CHRM5: variants seen among roughly 807,000 people sequenced by gnomAD.
CHRM5 encodes the protein cholinergic receptor muscarinic 5, also known as muscarinic acetylcholine receptor M5.
In CHRM5, 18 loss-of-function variants were observed where a neutral mutation model predicts 39.0. The ratio of observed to expected loss-of-function variants is 0.46; its 90% CI spans 0.32 to 0.68. CHRM5 has a LOEUF of 0.68. Ranked by LOEUF, CHRM5 falls within the 30% of genes least tolerant of loss-of-function variation. CHRM5 has a pLI of 0.04. For synonymous variants in CHRM5, 241 were observed against 246.3 expected, an observed-to-expected ratio of 0.98 and a Z score of 0.20; for missense variants, 515 against 651.1, an observed-to-expected ratio of 0.79 and a Z score of 2.28.
chr15:34,039,084 A>AGCT lies in CHRM5; in HGVS notation c.-407-7453_-407-7451dup, dbSNP rs1352607377. 38 of 1,078,828 alleles carry AGCT rather than the reference A, an allele frequency of 3.5e-5. No homozygotes were observed. The African/African-American group carries it at 5.8e-4, about 16-fold the overall frequency. 66.8% of individuals were successfully genotyped at this position (1,078,828 alleles called of 1,614,324 possible). A position where few individuals can be genotyped will look rare whatever the true frequency, so the allele number is the denominator to read the frequency against. On this transcript the variant is annotated intron_variant, in intron 1 of 2. Transcript: ENST00000383263. ...GGCGGTGCTGAGCGCGCGGGAGCCG[A>AGCT]GCTGCGGCGGAGACGCCCTGGCCCC...
At chr15:33,984,002 A>G (rs1237176602) in intron 1 of CHRM5, among the ~76,000 whole-genome samples, 1 of 152,102 alleles carries the variant, frequency 6.6e-6, no homozygotes, top group Non-Finnish European at 1.5e-5. Context: ...AAAAGTGTCA[A>G]TTTCAGAAAA....
intron 1 of CHRM5, among the ~76,000 whole-genome samples, chr15:34,023,016 A>G (rs1898276693): frequency 6.6e-6 from 1 of 152,108 alleles, no homozygotes; most frequent in Non-Finnish European, 1.5e-5. Flanking sequence ...TGAAACCCCC[A>G]TCTCTACTAA....
rs1161570341 is a variant in CHRM5 at position 34,065,963 on chromosome 15, G to T, written c.*1647G>T. The T allele has an allele frequency of 6.6e-6, 1 of 152,254 alleles. No homozygotes were observed. The highest frequency in any genetic ancestry group is 1.9e-4 in the East Asian group (1 of 5,200). The allele number at this position is 152,254 out of a possible 1,614,324, so 9.4% of individuals were successfully genotyped here. ...GCTGGTTTAGTTGTCCTGGGAATTA[G>T]ATATGTACCTGAGTATGGGAGAGCT... On this transcript the variant is annotated 3_prime_UTR_variant, in exon 3 of 3. Transcript: ENST00000383263.
rs193217904 is a variant in CHRM5 at position 34,049,146 on chromosome 15, C to T, written c.-76+2275C>T. ...AAACTCAAAAAGACAGAGTGCGTCTCTGCCTCCAAATGACTGCACACCTCT... is the reference window on the plus strand; with the variant it reads ...AAACTCAAAAAGACAGAGTGCGTCTTTGCCTCCAAATGACTGCACACCTCT... On this transcript the variant is annotated intron_variant, in intron 2 of 2. Coordinates refer to ENST00000383263, the MANE Select transcript of CHRM5 (RefSeq NM_012125.4). 4.9e-3 allele frequency among the ~76,000 whole-genome samples: 744 copies of T among 152,328 alleles called. 4 individuals carry two copies. Among genetic ancestry groups the T allele is most frequent in the Non-Finnish European group, 9.0e-3 (611 of 68,030 alleles).
At chr15:34,056,844 A>G (rs914972829) in intron 2 of CHRM5, among the ~76,000 whole-genome samples, 1 of 152,210 alleles carries the variant, frequency 6.6e-6, no homozygotes, top group African/African-American at 2.4e-5. Context: ...CAGCCTGAGC[A>G]ACATAGCGAG....
intron 1 of CHRM5, chr15:33,991,021 T>C (rs935411522): frequency 6.6e-6 from 1 of 152,074 alleles, no homozygotes; most frequent in African/African-American, 2.4e-5. Flanking sequence ...TAGAAAAAAA[T>C]GATGTAAAAC....
chr15:33,977,541 T>C (rs1454295298), intron 1 of CHRM5, among the ~76,000 whole-genome samples: 3 of 152,340 alleles, frequency 2.0e-5, no homozygotes, highest in Admixed American at 2.0e-4. Flanking sequence ...GTGGCCTCAC[T>C]GAGCACCATT....
intron 1 of CHRM5, among the ~76,000 whole-genome samples, chr15:34,004,610 G>A (rs1368237878): frequency 6.6e-6 from 1 of 151,806 alleles, no homozygotes. Flanking sequence ...TTAAAGTGTT[G>A]TTAACTTTTA....
chr15:34,001,302 G>A (rs960147347), intron 1 of CHRM5, among the ~76,000 whole-genome samples: 4 of 152,160 alleles, frequency 2.6e-5, no homozygotes, highest in Non-Finnish European at 4.4e-5. Context: ...GATTACAGGC[G>A]TGAGCCACCA....
In CHRM5 at chr15:34,038,224, G is replaced by A. The variant is rs1334034680; in HGVS notation, c.-407-8316G>A. Reference sequence around the variant, plus strand: ...GCTATTACAAAGAACTATGCATCTGGTCCCGCCCCCAAATACTAGAGTCCA... The same window carrying A: ...GCTATTACAAAGAACTATGCATCTGATCCCGCCCCCAAATACTAGAGTCCA... On this transcript the variant is annotated intron_variant, in intron 1 of 2. Transcript: ENST00000383263. 2.0e-5 allele frequency among the ~76,000 whole-genome samples: 3 copies of A among 152,294 alleles called. No homozygotes were observed. The East Asian group carries it at 5.8e-4, about 29-fold the overall frequency.
At chr15:34,027,489 A>G (rs1021899702) in intron 1 of CHRM5, among the ~76,000 whole-genome samples, 1 of 150,560 alleles carries the variant, frequency 6.6e-6, no homozygotes, top group Admixed American at 6.7e-5. Flanking sequence ...AGATTGCACC[A>G]CTGCACTCCA....
intron 1 of CHRM5, chr15:34,038,724 G>A: frequency 1.8e-6 from 2 of 1,127,712 alleles, no homozygotes; most frequent in Middle Eastern, 7.5e-4. Flanking sequence ...TGGCGGCCTC[G>A]GCCCCACTTG....
At chr15:33,992,821 G>A (rs942110970) in intron 1 of CHRM5, among the ~76,000 whole-genome samples, 3 of 152,152 alleles carry the variant, frequency 2.0e-5, no homozygotes, top group South Asian at 2.1e-4. Context: ...AACAGAGGAG[G>A]GAAGAAATTC....
intron 1 of CHRM5, among the ~76,000 whole-genome samples, chr15:33,998,393 A>G (rs1466249044): frequency 6.6e-6 from 1 of 152,158 alleles, no homozygotes; most frequent in Non-Finnish European, 1.5e-5. Context: ...TGGGAAGCCA[A>G]GGCAGGATTG....
At chr15:34,009,097 T>C (rs1326202800) in intron 1 of CHRM5, among the ~76,000 whole-genome samples, 1 of 151,862 alleles carries the variant, frequency 6.6e-6, no homozygotes, top group Non-Finnish European at 1.5e-5. Flanking sequence ...GGCAATAATA[T>C]AACATATTCA....
chr15:34,012,695 T>C (rs923957228), intron 1 of CHRM5, among the ~76,000 whole-genome samples: 2 of 152,232 alleles, frequency 1.3e-5, no homozygotes, highest in Admixed American at 6.5e-5. Context: ...AATAGCTGTC[T>C]TCTGGCCCAC....
rs549283427 is a variant in CHRM5 at position 34,011,410 on chromosome 15, T to A, written c.-407-35130T>A. Among the ~76,000 whole-genome samples the A allele has an allele frequency of 1.7e-4, 26 of 152,180 alleles. No homozygotes were observed. In the South Asian group the frequency reaches 4.4e-3, roughly 26 times the overall value. ...ATATGCATGATCATATTTGAAAAAA[T>A]TAATAAATGCAGTATATGGCATATA... is the stretch of plus-strand genomic sequence containing the variant. On this transcript the variant is annotated intron_variant, in intron 1 of 2. Coordinates refer to ENST00000383263, the MANE Select transcript of CHRM5 (RefSeq NM_012125.4).
At chr15:33,988,612 A>T (rs1297210463) in intron 1 of CHRM5, among the ~76,000 whole-genome samples, 1 of 152,228 alleles carries the variant, frequency 6.6e-6, no homozygotes, top group Non-Finnish European at 1.5e-5. Flanking sequence ...TAGTGGCCAC[A>T]GGGCTCATTT....
chr15:33,996,929 G>A (rs938141453), intron 1 of CHRM5, among the ~76,000 whole-genome samples: 57 of 152,126 alleles, frequency 3.7e-4, no homozygotes, highest in Admixed American at 3.1e-3. Context: ...GAGGCTGTTC[G>A]AACCCATCGC....
Sources: allele counts gnomAD v4.1 joint callset (sites outside exome capture counted in the v4.1 genomes callset), GRCh38; gene constraint gnomAD v4.1.1; transcripts MANE v1.5; gene names NCBI Gene and HGNC (gene_info 2026-07-23, HGNC 2026-07-21).